The following STIM1 variants were observed in gnomAD, a reference collection of about 807,000 sequenced individuals.
The protein encoded by STIM1 is stromal interaction molecule 1.
Under a neutral mutation model 74.7 loss-of-function variants are expected in STIM1, and 25 were observed. That is an observed-to-expected ratio of 0.33 (90% CI 0.24 to 0.47). The LOEUF (loss-of-function observed/expected upper bound fraction) is 0.47, where lower values mean the gene tolerates loss of function less well. STIM1 is among the 20% of genes least tolerant of loss of function. STIM1 has a pLI of 1.00. For missense variants in STIM1, 728 were observed against 920.8 expected, an observed-to-expected ratio of 0.79 and a Z score of 2.71; for synonymous variants, 328 against 348.8, an observed-to-expected ratio of 0.94 and a Z score of 0.66.
At chr11:3,901,873 G>T (rs1411375013) in intron 1 of STIM1, among the ~76,000 whole-genome samples, 1 of 152,194 alleles carries the variant, frequency 6.6e-6, no homozygotes, top group African/African-American at 2.4e-5. Context: ...TGATCCTCCT[G>T]CCCCAGGCTC....
intron 2 of STIM1, among the ~76,000 whole-genome samples, chr11:4,010,793 A>T (rs748458892): frequency 1.1e-4 from 16 of 152,104 alleles, no homozygotes; most frequent in Non-Finnish European, 2.1e-4. Flanking sequence ...ATAGGTATAC[A>T]TATGCCATGT....
At position 4,012,824 on chromosome 11, in the gene STIM1, C is replaced by T. The variant is rs560160974; in HGVS notation, c.271-11049C>T. ...TGCCAGTTTTCAAAGGGTATGTTTC[C>T]AGCTTTTGCCCATTCAGTATTATAT... On this transcript the variant is annotated intron_variant, in intron 2 of 12. Transcript: ENST00000526596. Among the ~76,000 whole-genome samples, 12 of 152,266 alleles carry T rather than the reference C, an allele frequency of 7.9e-5. No homozygotes were observed. The South Asian group carries it at 2.3e-3, about 29-fold the overall frequency.
chr11:3,952,052 C>A (rs1231545432), intron 1 of STIM1, among the ~76,000 whole-genome samples: 8 of 152,072 alleles, frequency 5.3e-5, no homozygotes, highest in Non-Finnish European at 1.2e-4. Flanking sequence ...TATTGTGCTG[C>A]CCAGCACTGG....
intron 3 of STIM1, among the ~76,000 whole-genome samples, chr11:4,033,586 G>A (rs1008896819): frequency 1.0e-4 from 15 of 150,258 alleles, no homozygotes; most frequent in African/African-American, 3.7e-4. Flanking sequence ...AGATATCCAT[G>A]TTTCATTTCT....
At chr11:3,899,350 T>A (rs1274560018) in intron 1 of STIM1, among the ~76,000 whole-genome samples, 2 of 149,488 alleles carry the variant, frequency 1.3e-5, no homozygotes, top group African/African-American at 5.0e-5. Flanking sequence ...TGCTTGTGAT[T>A]TTTGTACATT....
chr11:3,966,094 T>C (rs2093338341), intron 1 of STIM1, among the ~76,000 whole-genome samples: 1 of 152,188 alleles, frequency 6.6e-6, no homozygotes, highest in Admixed American at 6.5e-5. Context: ...CTGTGGCTTC[T>C]AAAAGATGAA....
chr11:3,905,689 A>G (rs547933671), intron 1 of STIM1, among the ~76,000 whole-genome samples: 13 of 152,294 alleles, frequency 8.5e-5, no homozygotes, highest in African/African-American at 2.9e-4. Context: ...TATTGTCCCT[A>G]TTTTCCAAAT....
chr11:3,920,071 C>A (rs538086283), intron 1 of STIM1, among the ~76,000 whole-genome samples: 109 of 151,834 alleles, frequency 7.2e-4, no homozygotes, highest in Non-Finnish European at 1.3e-3. Context: ...GAGCAAGACC[C>A]CTGTTTCTTA....
intron 1 of STIM1, among the ~76,000 whole-genome samples, chr11:3,857,450 A>G (rs1305228704): frequency 6.6e-6 from 1 of 151,608 alleles, no homozygotes; most frequent in Non-Finnish European, 1.5e-5. Flanking sequence ...AATTTTTTGA[A>G]CAGACACTGT....
At chr11:4,090,081 A>C (rs2094515017) in intron 12 of STIM1, among the ~76,000 whole-genome samples, 2 of 152,140 alleles carry the variant, frequency 1.3e-5, no homozygotes, top group Non-Finnish European at 2.9e-5. Context: ...GTGCGGTGGC[A>C]TGTCTCCATA....
intron 1 of STIM1, among the ~76,000 whole-genome samples, chr11:3,882,370 A>C (rs2091549934): frequency 6.6e-6 from 1 of 152,112 alleles, no homozygotes; most frequent in African/African-American, 2.4e-5. Flanking sequence ...AAGTGCTGGG[A>C]TTACAGGTGT....
At chr11:3,892,240 T>C (rs1282890310) in intron 1 of STIM1, among the ~76,000 whole-genome samples, 1 of 152,128 alleles carries the variant, frequency 6.6e-6, no homozygotes. Flanking sequence ...CAGCTAGTCA[T>C]GGAAGAAAAC....
chr11:3,883,157 C>G (rs1313981077), intron 1 of STIM1, among the ~76,000 whole-genome samples: 1 of 152,150 alleles, frequency 6.6e-6, no homozygotes, highest in Non-Finnish European at 1.5e-5. Context: ...TTTCATGTCT[C>G]AGCCTGTGCT....
At chr11:4,002,469 A>G (rs1447158273) in intron 2 of STIM1, among the ~76,000 whole-genome samples, 1 of 151,990 alleles carries the variant, frequency 6.6e-6, no homozygotes, top group African/African-American at 2.4e-5. Flanking sequence ...AAACTGAACA[A>G]CCTGCCCCTG....
intron 1 of STIM1, among the ~76,000 whole-genome samples, chr11:3,884,114 A>G (rs970313761): frequency 1.3e-5 from 2 of 152,174 alleles, no homozygotes; most frequent in Admixed American, 6.5e-5. Context: ...AAGGCCTCTC[A>G]TTGGATGGCC....
intron 1 of STIM1, among the ~76,000 whole-genome samples, chr11:3,927,822 C>G (rs750526): frequency 0.043 from 6,537 of 152,256 alleles, 259 homozygotes; most frequent in East Asian, 0.18. Flanking sequence ...TTGATAAGTT[C>G]TTTTTCTCCT....
chr11:4,072,031 A>G (rs752649280), intron 6 of STIM1, among the ~76,000 whole-genome samples: 36 of 152,186 alleles, frequency 2.4e-4, no homozygotes, highest in Non-Finnish European at 4.6e-4. Context: ...CTGTCTGAGC[A>G]GTCCCCATAC....
At position 4,070,243 on chromosome 11, in the gene STIM1, T is replaced by C. The variant is rs376628522; in HGVS notation, c.791+40T>C. 10 of 1,611,654 alleles carry C rather than the reference T, an allele frequency of 6.2e-6. No homozygotes were observed. In the African/African-American group the frequency reaches 1.3e-4, roughly 22 times the overall value. On this transcript the variant is annotated intron_variant, in intron 6 of 12. Coordinates refer to ENST00000526596, the MANE Select transcript of STIM1 (RefSeq NM_001382567.1). ...TTCAGGAAAGGTGAGGCCCTGCCAGTTCTTGGGAACCTCCTATTTCCACCT... is the reference window on the plus strand; with the variant it reads ...TTCAGGAAAGGTGAGGCCCTGCCAGCTCTTGGGAACCTCCTATTTCCACCT...
intron 1 of STIM1, among the ~76,000 whole-genome samples, chr11:3,938,054 C>T (rs2092957423): frequency 6.6e-6 from 1 of 152,088 alleles, no homozygotes; most frequent in East Asian, 1.9e-4. Context: ...TTGCTTCAGC[C>T]TCCCGAGTAG....
Sources: gnomAD v4.1 joint callset for allele counts (sites outside exome capture counted in the v4.1 genomes callset) on GRCh38, gnomAD v4.1.1 for gene constraint, MANE v1.5 for transcripts, NCBI Gene and HGNC (gene_info 2026-07-23, HGNC 2026-07-21) for gene names.